Variants in SLC9A9 observed in about 807,000 individuals in gnomAD.
SLC9A9 encodes sodium/hydrogen exchanger 9.
In SLC9A9, 62 loss-of-function variants were observed where a neutral mutation model predicts 77.8. That is an observed-to-expected ratio of 0.80 (90% CI 0.65 to 0.98). The LOEUF is 0.98. SLC9A9 is among the 50% of genes least tolerant of loss of function. SLC9A9 has a pLI of 0.00. For missense variants in SLC9A9, 775 were observed against 774.9 expected (o/e 1.00, Z 0.00); for synonymous variants, 320 against 283.5 (o/e 1.13, Z -1.29).
intron 2 of SLC9A9, among the ~76,000 whole-genome samples, chr3:143,817,137 T>A (rs539115829): frequency 3.9e-4 from 39 of 100,258 alleles, no homozygotes; most frequent in African/African-American, 9.4e-4. Flanking sequence ...AAGTTTATTT[T>A]TTTTTTTATT....
At chr3:143,459,953 G>A (rs542149509) in intron 12 of SLC9A9, among the ~76,000 whole-genome samples, 1 of 152,232 alleles carries the variant, frequency 6.6e-6, no homozygotes, top group East Asian at 1.9e-4. Flanking sequence ...AACTGTTGCT[G>A]CCATCGTCAC....
chr3:143,271,205 GT>G (rs1937889101), intron 14 of SLC9A9, among the ~76,000 whole-genome samples: 1 of 152,170 alleles, frequency 6.6e-6, no homozygotes, highest in South Asian at 2.1e-4. Context: ...AGATAAGGGG[GT>G]ACAACTATAT....
At chr3:143,458,895 T>C (rs2035140583) in intron 12 of SLC9A9, among the ~76,000 whole-genome samples, 1 of 152,156 alleles carries the variant, frequency 6.6e-6, no homozygotes, top group African/African-American at 2.4e-5. Context: ...TCCATATGAA[T>C]ACATTCCTTT....
Position 143,675,681 on chromosome 3 carries a change from CATT to C in SLC9A9, c.649+17508_649+17510del, listed in dbSNP as rs1172335410. Among the ~76,000 whole-genome samples the C allele has an allele frequency of 5.3e-5, 8 of 152,238 alleles. No individual in the cohort carries two copies. In the East Asian group the frequency reaches 1.4e-3, roughly 26 times the overall value. ...TGAAGATTTTCCTTTAAGATTTTCT[CATT>C]ATACTTCAGAGTGATTTACTAATAT... is the stretch of plus-strand genomic sequence containing the variant. On this transcript the variant is annotated intron_variant, in intron 5 of 15. Transcript: ENST00000316549.
At chr3:143,593,555 G>A (rs2108680426) in intron 6 of SLC9A9, among the ~76,000 whole-genome samples, 1 of 151,804 alleles carries the variant, frequency 6.6e-6, no homozygotes, top group South Asian at 2.1e-4. Context: ...TAGGAAACAT[G>A]CAAATAGAAA....
chr3:143,571,437 A>C (rs2108655487), intron 8 of SLC9A9, among the ~76,000 whole-genome samples: 1 of 152,222 alleles, frequency 6.6e-6, no homozygotes, highest in Admixed American at 6.5e-5. Context: ...TTGAGGCCAC[A>C]CCCTCAGGTT....
intron 14 of SLC9A9, among the ~76,000 whole-genome samples, chr3:143,300,920 G>A (rs902955306): frequency 3.3e-5 from 5 of 152,086 alleles, no homozygotes; most frequent in African/African-American, 1.2e-4. Flanking sequence ...CTGAACTATG[G>A]CCAAAATAAG....
At chr3:143,720,596 T>G (rs983787423) in intron 4 of SLC9A9, among the ~76,000 whole-genome samples, 1 of 152,140 alleles carries the variant, frequency 6.6e-6, no homozygotes, top group African/African-American at 2.4e-5. Context: ...CCTTGAAATG[T>G]CTCCTAGGCC....
intron 8 of SLC9A9, among the ~76,000 whole-genome samples, chr3:143,573,790 A>G (rs1228660903): frequency 6.6e-6 from 1 of 152,184 alleles, no homozygotes. Context: ...GAAGACTTCC[A>G]TTTGAAAATC....
At chr3:143,279,006 A>C (rs1938133708) in intron 14 of SLC9A9, among the ~76,000 whole-genome samples, 1 of 151,996 alleles carries the variant, frequency 6.6e-6, no homozygotes, top group South Asian at 2.1e-4. Flanking sequence ...TTTCTAGCAC[A>C]GTTCTGGGCA....
chr3:143,412,656 C>T (rs1297292770), intron 12 of SLC9A9, among the ~76,000 whole-genome samples: 3 of 152,198 alleles, frequency 2.0e-5, no homozygotes, highest in South Asian at 2.1e-4. Flanking sequence ...CCACTTTTTA[C>T]AGGAAGCATC....
intron 6 of SLC9A9, among the ~76,000 whole-genome samples, chr3:143,582,015 C>G (rs1371968022): frequency 6.6e-6 from 1 of 152,074 alleles, no homozygotes; most frequent in African/African-American, 2.4e-5. Context: ...AGGTGCGGGA[C>G]AACTGGAAAG....
rs112832896 is a variant in SLC9A9, at chr3:143,837,621, T to C, written c.176-5400A>G. Among the ~76,000 whole-genome samples, 566 of 152,248 alleles carry C rather than the reference T, an allele frequency of 3.7e-3. 5 individuals carry two copies. Among genetic ancestry groups the C allele is most frequent in the African/African-American group, 0.013 (544 of 41,530 alleles). The stretch of plus-strand genomic sequence containing the variant: ...TCTATCCTTGTTTACCCCACAAAGC[T>C]CTGGTTTATTTGCTGTCCACCCCTC... On this transcript the variant is annotated intron_variant, in intron 1 of 15. Coordinates refer to ENST00000316549, the MANE Select transcript of SLC9A9 (RefSeq NM_173653.4).
chr3:143,372,226 T>C (rs2108491011), intron 13 of SLC9A9, among the ~76,000 whole-genome samples: 1 of 152,294 alleles, frequency 6.6e-6, no homozygotes, highest in East Asian at 1.9e-4. Context: ...CTAAAATTCA[T>C]ATGGAACAAA....
chr3:143,819,662 T>C (rs1440605017), intron 2 of SLC9A9, among the ~76,000 whole-genome samples: 2 of 152,212 alleles, frequency 1.3e-5, no homozygotes, highest in African/African-American at 4.8e-5. Flanking sequence ...ACACTGTCAT[T>C]ATTATAATTT....
chr3:143,404,587 A>C (rs539843262), intron 12 of SLC9A9, among the ~76,000 whole-genome samples: 4 of 151,974 alleles, frequency 2.6e-5, no homozygotes, highest in South Asian at 4.2e-4. Flanking sequence ...AGCCCGCCCC[A>C]CACATACTCT....
chr3:143,273,847 T>C (rs143161049), intron 14 of SLC9A9, among the ~76,000 whole-genome samples: 1 of 152,356 alleles, frequency 6.6e-6, no homozygotes, highest in East Asian at 1.9e-4. Flanking sequence ...TCAAGTGAAT[T>C]TGGAATTCTC....
chr3:143,336,461 CA>C (rs1179096424), intron 14 of SLC9A9, among the ~76,000 whole-genome samples: 2 of 152,106 alleles, frequency 1.3e-5, no homozygotes, highest in Non-Finnish European at 2.9e-5. Context: ...CAGCATTATT[CA>C]CAATAGCCAA....
chr3:143,542,164 T>C (rs1306346828), intron 9 of SLC9A9, among the ~76,000 whole-genome samples: 2 of 152,332 alleles, frequency 1.3e-5, no homozygotes, highest in East Asian at 3.9e-4. Context: ...ACATATTAGC[T>C]GAACTACTAA....
Sources: allele counts gnomAD v4.1 joint callset (sites outside exome capture counted in the v4.1 genomes callset), GRCh38; gene constraint gnomAD v4.1.1; transcripts MANE v1.5; gene names NCBI Gene and HGNC (gene_info 2026-07-23, HGNC 2026-07-21).